PLCL1: variants seen among roughly 807,000 people sequenced by gnomAD.
PLCL1 encodes phospholipase C like 1 (inactive), also known as inactive phospholipase C-like protein 1.
A neutral mutation model predicts 84.4 loss-of-function variants in PLCL1; 41 were observed. The observed-to-expected ratio is 0.49, with a 90% CI of 0.38 to 0.63. PLCL1 has a LOEUF of 0.63. Ranked by LOEUF, PLCL1 falls within the 30% of genes least tolerant of loss-of-function variation. The pLI, the probability that PLCL1 is intolerant of heterozygous loss-of-function variation, is 0.00. For synonymous variants in PLCL1, 490 were observed against 488.3 expected, an observed-to-expected ratio of 1.00 and a Z score of -0.05; for missense variants, 1,206 against 1,367.8, an observed-to-expected ratio of 0.88 and a Z score of 1.87.
At position 198,082,616 on chromosome 2, in the gene PLCL1, T is replaced by C. The variant is rs146243409; in HGVS notation, c.241-1142T>C. ...GGGATGTGGTTGGGAGCATCATTAATTGAGTCTGTGGTCAGAACAGAGACT... is the reference window on the plus strand; with the variant it reads ...GGGATGTGGTTGGGAGCATCATTAACTGAGTCTGTGGTCAGAACAGAGACT... On this transcript the variant is annotated intron_variant, in intron 1 of 5. Transcript: ENST00000428675. 7.0e-4 allele frequency among the ~76,000 whole-genome samples: 106 copies of C among 152,212 alleles called. 3 individuals are homozygous for C. In the South Asian group the frequency reaches 0.013, roughly 19 times the overall value.
chr2:197,984,199 A>T (rs935282516), intron 1 of PLCL1, among the ~76,000 whole-genome samples: 2 of 152,210 alleles, frequency 1.3e-5, no homozygotes, highest in African/African-American at 4.8e-5. Flanking sequence ...TTGTTTCAAC[A>T]TGTTTTACTT....
At chr2:198,136,388 A>G (rs1388590090) in intron 5 of PLCL1, among the ~76,000 whole-genome samples, 5 of 152,216 alleles carry the variant, frequency 3.3e-5, no homozygotes, top group Non-Finnish European at 5.9e-5. Context: ...TCAAAAAGCT[A>G]GTAAGTCTTG....
At chr2:198,100,291 A>C (rs1693299566) in intron 3 of PLCL1, among the ~76,000 whole-genome samples, 1 of 152,126 alleles carries the variant, frequency 6.6e-6, no homozygotes, top group Non-Finnish European at 1.5e-5. Flanking sequence ...TAGGTAAAGA[A>C]TAAATCATAA....
Position 197,804,964 on chromosome 2 carries a change from G to A in PLCL1, c.-136G>A, listed in dbSNP as rs1690434609. On this transcript the variant is annotated 5_prime_UTR_variant, in exon 1 of 6. Coordinates refer to ENST00000428675, the MANE Select transcript of PLCL1 (RefSeq NM_006226.4). ...AGTTGCCGCCGCCGCCGCCGCCGCC[G>A]CCACTGCCGCCGCTGGGCGGTGAAA... is the stretch of plus-strand genomic sequence containing the variant. 2.7e-6 allele frequency: 3 copies of A among 1,105,240 alleles called. No individual in the cohort carries two copies. The highest frequency in any genetic ancestry group is 3.3e-5 in the East Asian group (1 of 30,520). 68.5% of individuals were successfully genotyped at this position (1,105,240 alleles called of 1,614,324 possible). A position where few individuals can be genotyped will look rare whatever the true frequency, so the allele number is the denominator to read the frequency against.
At chr2:197,964,521 A>T (rs1689688948) in intron 1 of PLCL1, among the ~76,000 whole-genome samples, 1 of 152,094 alleles carries the variant, frequency 6.6e-6, no homozygotes, top group Admixed American at 6.5e-5. Flanking sequence ...GTTTTTCTAA[A>T]TGTAAGATCA....
chr2:198,108,234 C>A (rs1693535790), intron 5 of PLCL1, among the ~76,000 whole-genome samples: 1 of 151,824 alleles, frequency 6.6e-6, no homozygotes, highest in Non-Finnish European at 1.5e-5. Flanking sequence ...TGATTAATAA[C>A]CATCCTGGAA....
chr2:197,939,538 TC>T (rs1258408572), intron 1 of PLCL1, among the ~76,000 whole-genome samples: 4 of 152,132 alleles, frequency 2.6e-5, no homozygotes, highest in African/African-American at 9.7e-5. Flanking sequence ...CATCTTCTCC[TC>T]CTGGTTTCTT....
chr2:197,880,311 A>G (rs1274562723), intron 1 of PLCL1, among the ~76,000 whole-genome samples: 1 of 152,108 alleles, frequency 6.6e-6, no homozygotes, highest in Non-Finnish European at 1.5e-5. Flanking sequence ...GTAAACCACT[A>G]TAACTTGCTA....
At chr2:198,078,284 G>A (rs1382893213) in intron 1 of PLCL1, among the ~76,000 whole-genome samples, 2 of 152,112 alleles carry the variant, frequency 1.3e-5, no homozygotes, top group Admixed American at 1.3e-4. Context: ...AAGACCAGAG[G>A]CTTCTCAGTA....
chr2:197,974,752 G>A (rs887443768), intron 1 of PLCL1, among the ~76,000 whole-genome samples: 4 of 152,330 alleles, frequency 2.6e-5, no homozygotes, highest in African/African-American at 9.6e-5. Context: ...GAAGAATGCC[G>A]TTGGGGGAAA....
intron 1 of PLCL1, among the ~76,000 whole-genome samples, chr2:198,031,824 A>T (rs903349002): frequency 2.0e-5 from 3 of 152,058 alleles, no homozygotes; most frequent in African/African-American, 7.2e-5. Context: ...AAATGACTTA[A>T]TATTACTTGT....
intron 3 of PLCL1, among the ~76,000 whole-genome samples, chr2:198,099,011 A>G (rs1010630264): frequency 6.6e-6 from 1 of 152,198 alleles, no homozygotes; most frequent in African/African-American, 2.4e-5. Context: ...AGCCCTGACA[A>G]GGAAATAAGA....
Position 198,103,898 on chromosome 2 carries a change from G to A in PLCL1, c.3067G>A (p.Ala1023Thr), listed in dbSNP as rs777800650. ...CTTGAAGGGAAGAAAACTCAACAAA[G>A]CAACTGAGAGCTTTGCTTGGAACAT... ...EGLKGRKLNK[A>T]TESFAWNITV... The change falls in exon 5 of 6, where the codon GCA becomes ACA. Residue 1023 changes from alanine to threonine, a missense_variant. By Grantham distance (58) the Ala-to-Thr change is moderately conservative (BLOSUM62 0). Transcript: ENST00000428675. 60 of 1,606,530 alleles carry A rather than the reference G, an allele frequency of 3.7e-5. No homozygotes were observed. Among genetic ancestry groups the A allele is most frequent in the Non-Finnish European group, 5.1e-5 (60 of 1,175,694 alleles).
intron 1 of PLCL1, among the ~76,000 whole-genome samples, chr2:197,882,639 G>C (rs548556044): frequency 4.6e-5 from 7 of 151,838 alleles, no homozygotes; most frequent in Non-Finnish European, 8.8e-5. Flanking sequence ...AAATGTATAG[G>C]CAACATAGTC....
intron 1 of PLCL1, among the ~76,000 whole-genome samples, chr2:197,908,986 G>T (rs1394143762): frequency 6.6e-6 from 1 of 152,202 alleles, no homozygotes; most frequent in Non-Finnish European, 1.5e-5. Context: ...AGTTATAGAA[G>T]AGAGGAGTCA....
intron 5 of PLCL1, among the ~76,000 whole-genome samples, chr2:198,126,105 G>A (rs2105931927): frequency 6.6e-6 from 1 of 151,500 alleles, no homozygotes; most frequent in Middle Eastern, 3.7e-3. Flanking sequence ...AGGTTAAGTA[G>A]GACACTTTCC....
At chr2:197,949,991 C>T (rs1308607053) in intron 1 of PLCL1, among the ~76,000 whole-genome samples, 1 of 152,130 alleles carries the variant, frequency 6.6e-6, no homozygotes, top group Non-Finnish European at 1.5e-5. Flanking sequence ...TCTGCCTCCA[C>T]CTCCACCATT....
At chr2:197,900,801 A>G (rs1326157152) in intron 1 of PLCL1, among the ~76,000 whole-genome samples, 2 of 152,258 alleles carry the variant, frequency 1.3e-5, no homozygotes, top group Non-Finnish European at 2.9e-5. Context: ...TTTGACAAGC[A>G]GTAAAATCTA....
intron 1 of PLCL1, among the ~76,000 whole-genome samples, chr2:197,903,467 A>ATTTTTT (rs1559040542): frequency 1.2e-5 from 1 of 80,648 alleles, no homozygotes; most frequent in African/African-American, 5.1e-5. Context: ...ACTCCATTTA[A>ATTTTTT]ATTTTTTTTT....
Sources: gnomAD v4.1 joint callset for allele counts (sites outside exome capture counted in the v4.1 genomes callset) on GRCh38, gnomAD v4.1.1 for gene constraint, MANE v1.5 for transcripts, NCBI Gene and HGNC (gene_info 2026-07-23, HGNC 2026-07-21) for gene names.